TAFA2: variants seen among roughly 807,000 people sequenced by gnomAD.
TAFA2 encodes the protein chemokine-like protein TAFA-2.
In TAFA2, 7 loss-of-function variants were observed where a neutral mutation model predicts 18.8. The observed-to-expected ratio is 0.37, with a 90% CI of 0.21 to 0.70. TAFA2 has a LOEUF of 0.70. TAFA2 is among the 30% of genes least tolerant of loss of function. The probability of loss-of-function intolerance (pLI) is 0.53; values close to 1 mark genes in which losing one functional copy is unlikely to be tolerated. For synonymous variants in TAFA2, 60 were observed against 54.2 expected, an observed-to-expected ratio of 1.11 and a Z score of -0.47; for missense variants, 122 against 158.1, an observed-to-expected ratio of 0.77 and a Z score of 1.23.
chr12:61,984,156 G>A (rs1314051639), intron 1 of TAFA2, among the ~76,000 whole-genome samples: 2 of 152,194 alleles, frequency 1.3e-5, no homozygotes, highest in East Asian at 3.8e-4. Flanking sequence ...CTAAAAGCAA[G>A]GATTTTGTTA....
intron 1 of TAFA2, among the ~76,000 whole-genome samples, chr12:62,080,298 G>A (rs950920114): frequency 3.9e-5 from 6 of 152,136 alleles, no homozygotes; most frequent in South Asian, 2.1e-4. Flanking sequence ...TACCTGATTC[G>A]GTCAGGCTTA....
At chr12:62,133,023 A>C (rs1870751519) in intron 1 of TAFA2, among the ~76,000 whole-genome samples, 1 of 151,982 alleles carries the variant, frequency 6.6e-6, no homozygotes, top group Admixed American at 6.6e-5. Flanking sequence ...ATGTGGAATA[A>C]TTATTTGTGG....
At chr12:62,211,075 A>G (rs770790737) in intron 1 of TAFA2, among the ~76,000 whole-genome samples, 6 of 152,246 alleles carry the variant, frequency 3.9e-5, no homozygotes, top group Non-Finnish European at 7.3e-5. Flanking sequence ...CTTTAGGACT[A>G]GTGTTAGAAC....
At chr12:62,153,494 C>G (rs917338877) in intron 1 of TAFA2, among the ~76,000 whole-genome samples, 10 of 151,966 alleles carry the variant, frequency 6.6e-5, no homozygotes, top group African/African-American at 2.4e-4. Context: ...AAGACCCCAT[C>G]TCTACAAAAA....
intron 1 of TAFA2, among the ~76,000 whole-genome samples, chr12:62,038,980 G>C (rs144180051): frequency 2.9e-3 from 447 of 152,120 alleles, no homozygotes; most frequent in African/African-American, 0.01. Context: ...GCTCATTACT[G>C]CATTGCTCCT....
chr12:61,732,631 A>G (rs1868247825), intron 4 of TAFA2, among the ~76,000 whole-genome samples: 1 of 151,906 alleles, frequency 6.6e-6, no homozygotes, highest in African/African-American at 2.4e-5. Context: ...TTCTGTTCAG[A>G]TGGTGATAGT....
At chr12:61,805,255 G>T (rs904908294) in intron 2 of TAFA2, among the ~76,000 whole-genome samples, 1 of 151,828 alleles carries the variant, frequency 6.6e-6, no homozygotes, top group South Asian at 2.1e-4. Flanking sequence ...TCCCTAAATT[G>T]TTATTTTTCA....
chr12:61,760,365 A>ATATATATATATATATATATAT (rs1869483548), intron 2 of TAFA2, among the ~76,000 whole-genome samples: 16 of 122,224 alleles, frequency 1.3e-4, no homozygotes, highest in African/African-American at 4.5e-4. Context: ...AAAATATCAA[A>ATATATATATATATATATATAT]ATATATATAT....
intron 1 of TAFA2, among the ~76,000 whole-genome samples, chr12:62,131,876 T>C (rs1870699579): frequency 6.6e-6 from 1 of 152,004 alleles, no homozygotes; most frequent in South Asian, 2.1e-4. Flanking sequence ...TATCCTTTCA[T>C]TGTTTCTATG....
At chr12:61,853,756 T>A (rs1031301087) in intron 2 of TAFA2, among the ~76,000 whole-genome samples, 1 of 152,130 alleles carries the variant, frequency 6.6e-6, no homozygotes, top group Non-Finnish European at 1.5e-5. Flanking sequence ...GGAGGGTTTT[T>A]TTGTTTTGTT....
intron 1 of TAFA2, among the ~76,000 whole-genome samples, chr12:61,951,810 C>A (rs1271808288): frequency 1.3e-5 from 2 of 151,774 alleles, no homozygotes; most frequent in Non-Finnish European, 2.9e-5. Context: ...AATCACTGTG[C>A]ACACCTATTT....
intron 1 of TAFA2, among the ~76,000 whole-genome samples, chr12:62,000,996 G>A (rs1241803402): frequency 6.6e-6 from 1 of 152,154 alleles, no homozygotes; most frequent in Non-Finnish European, 1.5e-5. Context: ...ATATCATTGT[G>A]CTCCACTGCT....
intron 2 of TAFA2, among the ~76,000 whole-genome samples, chr12:61,842,653 C>T (rs1334426083): frequency 6.6e-6 from 1 of 151,980 alleles, no homozygotes; most frequent in African/African-American, 2.4e-5. Flanking sequence ...ATGATACTTA[C>T]TCTTTTAAAA....
chr12:61,710,569 A>G (rs1592336410), intron 4 of TAFA2, 152 bp from the exon 5 acceptor site: 1 of 614,080 alleles, frequency 1.6e-6, no homozygotes, highest in Non-Finnish European at 2.9e-6. Flanking sequence ...AGATGCAGGT[A>G]TTTCCATCAT....
chr12:61,856,271 A>G (rs1359835941), intron 2 of TAFA2, among the ~76,000 whole-genome samples: 1 of 152,066 alleles, frequency 6.6e-6, no homozygotes, highest in Non-Finnish European at 1.5e-5. Context: ...GTAAAATTTA[A>G]ACTACTGACT....
At chr12:61,836,756 T>TATATATATACAC (rs68158949) in intron 2 of TAFA2, among the ~76,000 whole-genome samples, 11 of 119,832 alleles carry the variant, frequency 9.2e-5, no homozygotes, top group African/African-American at 2.8e-4. Flanking sequence ...TATATATATA[T>TATATATATACAC]ACACACACAC....
chr12:62,028,595 T>C (rs1881369340), intron 1 of TAFA2, among the ~76,000 whole-genome samples: 1 of 152,186 alleles, frequency 6.6e-6, no homozygotes, highest in South Asian at 2.1e-4. Flanking sequence ...GAATCCATCT[T>C]AGCTTACAAG....
intron 1 of TAFA2, among the ~76,000 whole-genome samples, chr12:62,243,817 A>G (rs1026052778): frequency 2.6e-5 from 4 of 152,136 alleles, no homozygotes; most frequent in African/African-American, 9.7e-5. Context: ...GTCTTGCTCT[A>G]TCACCCAGAC....
At chr12:61,841,130 C>T (rs975199713) in intron 2 of TAFA2, among the ~76,000 whole-genome samples, 1 of 152,042 alleles carries the variant, frequency 6.6e-6, no homozygotes, top group Non-Finnish European at 1.5e-5. Flanking sequence ...GTAGGTGAAT[C>T]TCAGTATAAA....
Sources: gnomAD v4.1 joint callset for allele counts (sites outside exome capture counted in the v4.1 genomes callset) on GRCh38, gnomAD v4.1.1 for gene constraint, MANE v1.5 for transcripts, NCBI Gene and HGNC (gene_info 2026-07-23, HGNC 2026-07-21) for gene names.